EPS8: variants seen among roughly 807,000 people sequenced by gnomAD.
EPS8 encodes the protein epidermal growth factor receptor kinase substrate 8.
A neutral mutation model predicts 103.8 loss-of-function variants in EPS8; 42 were observed. The ratio of observed to expected loss-of-function variants is 0.40; its 90% CI spans 0.32 to 0.52. EPS8 has a LOEUF of 0.52. Among genes scored for constraint, EPS8 ranks in the 20% least tolerant of loss-of-function variants. EPS8 has a pLI of 0.40. For synonymous variants in EPS8, 344 were observed against 344.6 expected (o/e 1.00, Z 0.02); for missense variants, 969 against 1,005.1 (o/e 0.96, Z 0.49).
chr12:15,774,815 T>C (rs919838129), intron 1 of EPS8, among the ~76,000 whole-genome samples: 3 of 151,654 alleles, frequency 2.0e-5, no homozygotes. Context: ...ATTTGACAAA[T>C]ATTTATCTAA....
Position 15,624,339 on chromosome 12 carries a change from C to T in EPS8, c.2113G>A (p.Ala705Thr), listed in dbSNP as rs78763451. 12,398 of 1,610,170 alleles carry T rather than the reference C, an allele frequency of 7.7e-3. 75 individuals are homozygous for T. The highest frequency in any genetic ancestry group is 9.5e-3 in the Non-Finnish European group (11,145 of 1,177,486). The change falls in exon 19 of 21, where the codon GCT becomes ACT. Residue 705 changes from alanine to threonine, a missense_variant. Physicochemically the swap from Ala to Thr is moderately conservative, Grantham distance 58 (BLOSUM62 0). Coordinates refer to ENST00000281172, the MANE Select transcript of EPS8 (RefSeq NM_004447.6). ...CGTGGCACATGGAATTTCTTCTGAG[C>T]GGCACTCCGACCAATGGTCAGTCTG... is the stretch of plus-strand genomic sequence containing the variant. The part of the protein sequence containing the change: ...IHRLTIGRSA[A>T]QKKFHVPRQN...
chr12:15,670,983 G>GGATA (rs1945806275), intron 3 of EPS8, 60 bp from the exon 4 acceptor site: 1 of 1,205,628 alleles, frequency 8.3e-7, no homozygotes, highest in South Asian at 1.2e-5. Flanking sequence ...TTCATATGTT[G>GGATA]GTATCATGTG....
chr12:15,767,515 T>C lies in EPS8; in HGVS notation c.-22+21646A>G, dbSNP rs1947109717. Among the ~76,000 whole-genome samples the C allele has an allele frequency of 6.6e-6, 1 of 152,222 alleles. No individual in the cohort carries two copies. Among genetic ancestry groups the C allele is most frequent in the African/African-American group, 2.4e-5 (1 of 41,464 alleles). Reference sequence around the variant, plus strand: ...ACCCTACTGAATGGAACACAGGAAGTTGACAGTATCAGGTCAGTCTTAGGC... The same window carrying C: ...ACCCTACTGAATGGAACACAGGAAGCTGACAGTATCAGGTCAGTCTTAGGC... On this transcript the variant is annotated intron_variant, in intron 1 of 20. Transcript: ENST00000281172. The surrounding 1 kb of genome is among the most constrained non-coding windows in gnomAD (Gnocchi z 5.5).
rs1591823193 is a variant in EPS8, at chr12:15,654,162, T to C, written c.1233A>G (p.Gly411=). 6.2e-7 allele frequency: 1 copy of C among 1,613,740 alleles called. No homozygotes were observed. The highest frequency in any genetic ancestry group is 8.5e-7 in the Non-Finnish European group (1 of 1,179,770). The change falls in exon 13 of 21, where the codon GGA becomes GGG. Residue 411 remains glycine, a synonymous_variant. Coordinates refer to ENST00000281172, the MANE Select transcript of EPS8 (RefSeq NM_004447.6). ...ATGCTTACCTGGCTTTCATCCAAGT[T>C]CCTCCCAATGACATCCACAGCTGCC... ...DERQLWMSLG[G]TWMKARAEWP... is the part of the protein sequence containing the mutation.
At position 15,779,721 on chromosome 12, in the gene EPS8, T is replaced by C. The variant is rs1947241203; in HGVS notation, c.-22+9440A>G. On this transcript the variant is annotated intron_variant, in intron 1 of 20. Coordinates refer to ENST00000281172, the MANE Select transcript of EPS8 (RefSeq NM_004447.6). This position sits in a 1 kb window ranked among gnomAD's most constrained non-coding sequence, Gnocchi z 4.3. ...TTCTCTTCCTTCTATCAATCTTTTT[T>C]CTCACTATTTTTTCTTTCTCTTTTT... 1.3e-5 allele frequency among the ~76,000 whole-genome samples: 2 copies of C among 152,222 alleles called. No individual in the cohort carries two copies. The highest frequency in any genetic ancestry group is 1.5e-5 in the Non-Finnish European group (1 of 68,026).
Position 15,727,260 on chromosome 12 carries a change from A to T in EPS8, c.-21-44288T>A, listed in dbSNP as rs1946663582. ...ACCTTTATACGTAGGACTTTACACAACTGGGTTTGCTTTAGAAGCAACGAT... is the reference window on the plus strand; with the variant it reads ...ACCTTTATACGTAGGACTTTACACATCTGGGTTTGCTTTAGAAGCAACGAT... On this transcript the variant is annotated intron_variant, in intron 1 of 20. Coordinates refer to ENST00000281172, the MANE Select transcript of EPS8 (RefSeq NM_004447.6). This position sits in a 1 kb window ranked among gnomAD's most constrained non-coding sequence, Gnocchi z 4.3. Among the ~76,000 whole-genome samples the T allele has an allele frequency of 6.6e-6, 1 of 152,178 alleles. No individual in the cohort carries two copies. Among genetic ancestry groups the T allele is most frequent in the South Asian group, 2.1e-4 (1 of 4,832 alleles).
rs1591914957 is a variant in EPS8, at chr12:15,745,022, C to G, written c.-22+44139G>C. ...GGGATTACTGGCATGTGCCACCACG[C>G]CCAGCTAATTTTTGTATTTTTAGTA... is the stretch of plus-strand genomic sequence containing the variant. On this transcript the variant is annotated intron_variant, in intron 1 of 20. Coordinates refer to ENST00000281172, the MANE Select transcript of EPS8 (RefSeq NM_004447.6). This position sits in a 1 kb window ranked among gnomAD's most constrained non-coding sequence, Gnocchi z 4.6. Among the ~76,000 whole-genome samples the G allele has an allele frequency of 6.6e-6, 1 of 152,096 alleles. No homozygotes were observed. The highest frequency in any genetic ancestry group is 1.5e-5 in the Non-Finnish European group (1 of 68,034).
At chr12:15,670,973 T>A in intron 3 of EPS8, 50 bp from the exon 4 acceptor site, 1 of 1,359,610 alleles carries the variant, frequency 7.4e-7, no homozygotes, top group Non-Finnish European at 1.1e-6. Context: ...TAGACTGAAG[T>A]TCATATGTTG....
Position 15,761,270 on chromosome 12 carries a change from T to C in EPS8, c.-22+27891A>G, listed in dbSNP as rs185409254. Among the ~76,000 whole-genome samples, 128 of 152,128 alleles carry C rather than the reference T, an allele frequency of 8.4e-4. No individual in the cohort carries two copies. Among genetic ancestry groups the C allele is most frequent in the Non-Finnish European group, 6.0e-4 (41 of 67,976 alleles). On this transcript the variant is annotated intron_variant, in intron 1 of 20. Transcript: ENST00000281172. This position sits in a 1 kb window ranked among gnomAD's most constrained non-coding sequence, Gnocchi z 4.5. ...TATCATGAAAACTATAAAACACTGA[T>C]GAAAGAAATTCAAGAGGACACCAAA...
intron 1 of EPS8, among the ~76,000 whole-genome samples, chr12:15,708,515 T>C (rs758026518): frequency 6.6e-6 from 1 of 152,188 alleles, no homozygotes; most frequent in Non-Finnish European, 1.5e-5. Flanking sequence ...TGAATGAATA[T>C]GGCTCATAAC....
chr12:15,730,179 TA>T, intron 1 of EPS8, among the ~76,000 whole-genome samples: 1 of 152,160 alleles, frequency 6.6e-6, no homozygotes, highest in Admixed American at 6.5e-5. Context: ...AGTTATTTGA[TA>T]AACACTTTTG....
At position 15,725,845 on chromosome 12, in the gene EPS8, A is replaced by C. The variant is rs1342577773; in HGVS notation, c.-21-42873T>G. On this transcript the variant is annotated intron_variant, in intron 1 of 20. Transcript: ENST00000281172. The surrounding 1 kb of genome is among the most constrained non-coding windows in gnomAD (Gnocchi z 4.5). ...CATTTGTTGAAATTTGTCTCACATC[A>C]GTAGGCTGCTTGATTGGTTCAAAAA... 1.3e-5 allele frequency among the ~76,000 whole-genome samples: 2 copies of C among 152,228 alleles called. No homozygotes were observed. Among genetic ancestry groups the C allele is most frequent in the African/African-American group, 4.8e-5 (2 of 41,458 alleles).
At chr12:15,720,241 C>G (rs752310783) in intron 1 of EPS8, among the ~76,000 whole-genome samples, 3 of 152,080 alleles carry the variant, frequency 2.0e-5, no homozygotes, top group Non-Finnish European at 1.5e-5. Flanking sequence ...TTTAAAAAAT[C>G]ACATCTGAGT....
rs1406643504 is a variant in EPS8 at position 15,684,253 on chromosome 12, A to G, written c.-21-1281T>C. ...TCGAGTTAATTCTGTCTCATTCTTC[A>G]GATCTCAGTTCAATCACAATGTCCT... On this transcript the variant is annotated intron_variant, in intron 1 of 20. Coordinates refer to ENST00000281172, the MANE Select transcript of EPS8 (RefSeq NM_004447.6). The surrounding 1 kb of genome is among the most constrained non-coding windows in gnomAD (Gnocchi z 4.9). The G allele has an allele frequency of 6.6e-6, 1 of 152,172 alleles. No homozygotes were observed. Among genetic ancestry groups the G allele is most frequent in the Non-Finnish European group, 1.5e-5 (1 of 68,028 alleles). The allele number at this position is 152,172 out of a possible 1,614,324, so 9.4% of individuals were successfully genotyped here.
rs551892007 is a variant in EPS8 at position 15,769,654 on chromosome 12, G to A, written c.-22+19507C>T. Among the ~76,000 whole-genome samples the A allele has an allele frequency of 9.9e-5, 15 of 152,028 alleles. No individual in the cohort carries two copies. The highest frequency in any genetic ancestry group is 1.9e-4 in the East Asian group (1 of 5,198). Reference sequence around the variant, plus strand: ...TCTATATAATTATTCTGCACATCACGAGAATATTCAAGACTCTATTGAATT... The same window carrying A: ...TCTATATAATTATTCTGCACATCACAAGAATATTCAAGACTCTATTGAATT... On this transcript the variant is annotated intron_variant, in intron 1 of 20. Coordinates refer to ENST00000281172, the MANE Select transcript of EPS8 (RefSeq NM_004447.6). This position sits in a 1 kb window ranked among gnomAD's most constrained non-coding sequence, Gnocchi z 4.6.
At position 15,780,364 on chromosome 12, in the gene EPS8, G is replaced by A. The variant is rs754440859; in HGVS notation, c.-22+8797C>T. Among the ~76,000 whole-genome samples the A allele has an allele frequency of 7.2e-5, 11 of 151,996 alleles. No individual in the cohort carries two copies. Among genetic ancestry groups the A allele is most frequent in the East Asian group, 1.9e-4 (1 of 5,168 alleles). On this transcript the variant is annotated intron_variant, in intron 1 of 20. Transcript: ENST00000281172. This position sits in a 1 kb window ranked among gnomAD's most constrained non-coding sequence, Gnocchi z 4.1. ...TCTTTCTACCTGGAGAGAGATGAGC[G>A]TCTCGCTTTGCCTCAAAAATTCATT...
At position 15,702,697 on chromosome 12, in the gene EPS8, T is replaced by C. The variant is rs1670545100; in HGVS notation, c.-21-19725A>G. 6.8e-6 allele frequency among the ~76,000 whole-genome samples: 1 copy of C among 147,106 alleles called. No individual in the cohort carries two copies. On this transcript the variant is annotated intron_variant, in intron 1 of 20. Coordinates refer to ENST00000281172, the MANE Select transcript of EPS8 (RefSeq NM_004447.6). This position sits in a 1 kb window ranked among gnomAD's most constrained non-coding sequence, Gnocchi z 5.1. Reference sequence around the variant, plus strand: ...CAAAACACATATCCAATACAATATATAAATATGAAGAAAAAAATTGCATGC... The same window carrying C: ...CAAAACACATATCCAATACAATATACAAATATGAAGAAAAAAATTGCATGC...
intron 18 of EPS8, among the ~76,000 whole-genome samples, chr12:15,630,858 G>A (rs1396388311): frequency 6.6e-6 from 1 of 152,134 alleles, no homozygotes; most frequent in Non-Finnish European, 1.5e-5. Context: ...GGACTGTCCT[G>A]TGCATTGTAA....
At chr12:15,624,484 T>C (rs1223558574) in intron 18 of EPS8, 77 bp from the exon 19 acceptor site, 10 of 1,161,856 alleles carry the variant, frequency 8.6e-6, no homozygotes, top group Middle Eastern at 2.3e-4. Context: ...CCAATCTCTA[T>C]AATCCTTGAC....
Sources: gnomAD v4.1 joint callset for allele counts (sites outside exome capture counted in the v4.1 genomes callset) on GRCh38, gnomAD v4.1.1 for gene constraint, Gnocchi (gnomAD v3.1) non-coding constraint, MANE v1.5 for transcripts, NCBI Gene and HGNC (gene_info 2026-07-23, HGNC 2026-07-21) for gene names.